Variants in CDHR2 observed in about 807,000 individuals in gnomAD.
CDHR2 encodes cadherin-related family member 2.
A neutral mutation model predicts 138.6 loss-of-function variants in CDHR2; 104 were observed. That is an observed-to-expected ratio of 0.75 (90% CI 0.64 to 0.88). The LOEUF is 0.88. Among genes scored for constraint, CDHR2 ranks in the 40% least tolerant of loss-of-function variants. CDHR2 has a pLI of 0.00. For missense variants in CDHR2, 1,624 were observed against 1,727.6 expected (o/e 0.94, Z 1.06); for synonymous variants, 755 against 742.8 (o/e 1.02, Z -0.27).
intron 21 of CDHR2, among the ~76,000 whole-genome samples, chr5:176,588,498 GGTGTGTATGAGTGT>G (rs1758735526): frequency 7.7e-6 from 1 of 130,218 alleles, no homozygotes; most frequent in African/African-American, 3.1e-5. Context: ...AGTGTGTGAG[GGTGTGTATGAGTGT>G]GTGCATGTGT....
At chr5:176,565,950 G>A (rs965517486) in intron 3 of CDHR2, among the ~76,000 whole-genome samples, 1 of 152,118 alleles carries the variant, frequency 6.6e-6, no homozygotes, top group Non-Finnish European at 1.5e-5. Flanking sequence ...GGTGTGAGAC[G>A]CACCTCCAGG....
At chr5:176,575,616 C>T (rs760370477) in intron 10 of CDHR2, 35 bp downstream of exon 10, 63 of 1,607,806 alleles carry the variant, frequency 3.9e-5, no homozygotes, top group South Asian at 2.3e-4. Flanking sequence ...AGGGCTGGGC[C>T]GGGGCCAGGG....
intron 31 of CDHR2, among the ~76,000 whole-genome samples, chr5:176,594,682 C>T (rs1240987111): frequency 1.3e-5 from 2 of 152,216 alleles, no homozygotes; most frequent in African/African-American, 4.8e-5. Flanking sequence ...CTCTGGGGCC[C>T]CTCGGATGTT....
In CDHR2 at chr5:176,590,345, C is replaced by T. The variant is rs570142021; in HGVS notation, c.3353+15C>T. ...GAGCTGAGTGTGTGAGTGGGGCTGCCCTTGGGGCAGGTGTGAGGGTGAGCA... is the reference window on the plus strand; with the variant it reads ...GAGCTGAGTGTGTGAGTGGGGCTGCTCTTGGGGCAGGTGTGAGGGTGAGCA... On this transcript the variant is annotated intron_variant, in intron 26 of 31. Transcript: ENST00000261944. 3.7e-6 allele frequency: 6 copies of T among 1,614,142 alleles called. No homozygotes were observed. In the South Asian group the frequency reaches 6.6e-5, roughly 18 times the overall value.
intron 7 of CDHR2, 97 bp from the exon 8 acceptor site, chr5:176,574,987 C>A: frequency 1.4e-6 from 2 of 1,457,874 alleles, no homozygotes; most frequent in South Asian, 2.5e-5. Context: ...CGTGACTGGT[C>A]AGTGGCAGAG....
chr5:176,594,799 G>A (rs892306505), intron 31 of CDHR2, among the ~76,000 whole-genome samples: 10 of 152,350 alleles, frequency 6.6e-5, no homozygotes, highest in Admixed American at 6.5e-4. Flanking sequence ...TGTCTCTGTA[G>A]CAGAGCAGCT....
chr5:176,554,639 G>T (rs1482905838), intron 1 of CDHR2, among the ~76,000 whole-genome samples: 1 of 152,128 alleles, frequency 6.6e-6, no homozygotes, highest in Non-Finnish European at 1.5e-5. Flanking sequence ...TACCAATCTA[G>T]AAGGGTTTTT....
intron 5 of CDHR2, among the ~76,000 whole-genome samples, chr5:176,569,352 C>A (rs1195890923): frequency 1.3e-5 from 2 of 149,292 alleles, no homozygotes; most frequent in African/African-American, 2.5e-5. Context: ...GGCGCGATCT[C>A]GGCTCACTGC....
intron 21 of CDHR2, among the ~76,000 whole-genome samples, chr5:176,587,773 G>A (rs1758704324): frequency 6.6e-6 from 1 of 152,206 alleles, no homozygotes; most frequent in Non-Finnish European, 1.5e-5. Flanking sequence ...AGAGCCGAGT[G>A]TAAGGACAGG....
At position 176,578,500 on chromosome 5, in the gene CDHR2, C is replaced by T. The variant is rs200810105; in HGVS notation, c.1710C>T (p.Thr570=). 2.2e-5 allele frequency: 35 copies of T among 1,614,012 alleles called. No individual in the cohort carries two copies. Among genetic ancestry groups the T allele is most frequent in the Admixed American group, 3.3e-5 (2 of 60,008 alleles). Residue 570 remains threonine (T), a synonymous_variant, in exon 16 of 32, where the codon ACC becomes ACT. Transcript: ENST00000261944. The part of the protein sequence containing the change: ...ATDGGNLSSS[T]TLQIHLLDIN... ...ACGGCGGGAACCTGTCCTCCTCCAC[C>T]ACACTGCAGATCCACCTGCTGGACA...
rs2291442 is a variant in CDHR2 at position 176,590,454 on chromosome 5, C to T, written c.3383C>T (p.Thr1128Met). ...VMIRNDQDSL[T>M]QLLQLGLVVL... The stretch of plus-strand genomic sequence containing the variant: ...ATCCGGAATGATCAGGACTCGCTGA[C>T]GCAGCTGCTGCAGCTGGGGCTGGTG... Residue 1128 changes from threonine (T) to methionine (M), a missense_variant, in exon 27 of 32, where the codon ACG becomes ATG. Physicochemically the swap from Thr to Met is moderately conservative, Grantham distance 81. Coordinates refer to ENST00000261944, the MANE Select transcript of CDHR2 (RefSeq NM_017675.6). The T allele has an allele frequency of 0.27, 434,380 of 1,613,768 alleles. 59,306 individuals carry two copies. The highest frequency in any genetic ancestry group is 0.31 in the Middle Eastern group (1,905 of 6,062).
chr5:176,577,471 G>A lies in CDHR2; in HGVS notation c.1267G>A (p.Ala423Thr), dbSNP rs1479500830. ...AEAFSVSPER[A>T]VGSASVQVLV... ...AGCCTTCAGCGTCTCCCCGGAGCGG[G>A]CAGTGGGCTCAGCCTCCGTTCAGGT... The change falls in exon 13 of 32, where the codon GCA (alanine) becomes ACA (threonine). Residue 423 changes from alanine (A) to threonine (T), a missense_variant. Ala to Thr is a moderately conservative substitution (Grantham distance 58). Transcript: ENST00000261944. The A allele has an allele frequency of 1.2e-6, 2 of 1,610,448 alleles. No individual in the cohort carries two copies. Among genetic ancestry groups the A allele is most frequent in the Non-Finnish European group, 8.5e-7 (1 of 1,178,814 alleles).
At chr5:176,592,426 T>C (rs1758903823) in intron 30 of CDHR2, among the ~76,000 whole-genome samples, 2 of 115,508 alleles carry the variant, frequency 1.7e-5, no homozygotes, top group Admixed American at 9.4e-5. Context: ...GAGGTGATGG[T>C]GATGGTGGTG....
At chr5:176,559,680 T>C (rs981338745) in intron 1 of CDHR2, among the ~76,000 whole-genome samples, 5 of 148,456 alleles carry the variant, frequency 3.4e-5, no homozygotes, top group Non-Finnish European at 7.4e-5. Context: ...CAACTTTATA[T>C]TCTGATTCCT....
intron 30 of CDHR2, among the ~76,000 whole-genome samples, chr5:176,591,986 T>G: frequency 1.4e-5 from 2 of 147,882 alleles, no homozygotes; most frequent in Non-Finnish European, 1.5e-5. Flanking sequence ...GTGTTGGTGT[T>G]GAGGTGATGG....
intron 1 of CDHR2, among the ~76,000 whole-genome samples, chr5:176,559,993 G>A (rs573343790): frequency 2.6e-5 from 4 of 152,330 alleles, no homozygotes; most frequent in South Asian, 4.1e-4. Flanking sequence ...GGAGAGGCAG[G>A]TCTGAAGGCA....
chr5:176,594,322 G>A (rs934062018), intron 31 of CDHR2, among the ~76,000 whole-genome samples: 8 of 152,202 alleles, frequency 5.3e-5, no homozygotes, highest in African/African-American at 1.7e-4. Context: ...GCCTTTTTGG[G>A]AGCTGTCTGC....
intron 21 of CDHR2, among the ~76,000 whole-genome samples, chr5:176,588,429 G>A (rs1758729521): frequency 1.4e-5 from 2 of 143,810 alleles, no homozygotes; most frequent in South Asian, 2.2e-4. Flanking sequence ...GAGTGTGTGT[G>A]TCAGGATAAG....
At chr5:176,577,882 G>GTA in intron 14 of CDHR2, 84 bp downstream of exon 14, 3 of 1,300,804 alleles carry the variant, frequency 2.3e-6, no homozygotes, top group African/African-American at 3.2e-5. Flanking sequence ...GTGTGTGTAT[G>GTA]TGTGAGATGG....
Sources: gnomAD v4.1 joint callset for allele counts (sites outside exome capture counted in the v4.1 genomes callset) on GRCh38, gnomAD v4.1.1 for gene constraint, MANE v1.5 for transcripts, NCBI Gene and HGNC (gene_info 2026-07-23, HGNC 2026-07-21) for gene names.